The following RGL3 variants were observed in gnomAD, a reference collection of about 807,000 sequenced individuals.
RGL3 encodes ral guanine nucleotide dissociation stimulator-like 3.
Under a neutral mutation model 90.6 loss-of-function variants are expected in RGL3, and 85 were observed. That is an observed-to-expected ratio of 0.94 (90% CI 0.79 to 1.12). The LOEUF (loss-of-function observed/expected upper bound fraction) is 1.12. RGL3 is among the 50% of genes most tolerant of loss of function. RGL3 has a pLI of 0.00. For synonymous variants in RGL3, 408 were observed against 385.5 expected, an observed-to-expected ratio of 1.06 and a Z score of -0.68; for missense variants, 1,034 against 939.2, an observed-to-expected ratio of 1.10 and a Z score of -1.32.
At chr19:11,410,923 G>A (rs1333896856) in intron 5 of RGL3, among the ~76,000 whole-genome samples, 4 of 151,874 alleles carry the variant, frequency 2.6e-5, no homozygotes, top group Middle Eastern at 3.4e-3. Context: ...AGGAACAAAC[G>A]ACCGGTAGGG....
chr19:11,411,063 G>A lies in RGL3; in HGVS notation c.638-4199C>T, dbSNP rs898347539. Among the ~76,000 whole-genome samples the A allele has an allele frequency of 1.3e-4, 20 of 151,968 alleles. 1 individual carries two copies. Among genetic ancestry groups the A allele is most frequent in the Admixed American group, 1.1e-3 (17 of 15,242 alleles). ...CTCACTACTAAAAATACAAAAATTA[G>A]CTGGGCGTGTTGGTGGGCACCTGTA... is the stretch of plus-strand genomic sequence containing the variant. On this transcript the variant is annotated intron_variant, in intron 5 of 18. Transcript: ENST00000380456.
Position 11,413,219 on chromosome 19 carries a change from G to A in RGL3, c.637+2718C>T, listed in dbSNP as rs548508197. On this transcript the variant is annotated intron_variant, in intron 5 of 18. Transcript: ENST00000380456. ...CTGAATTTTTGCCTTTGCTTGACTG[G>A]ATTTTGAAAAAGAAAAAAAAAAAAA... Among the ~76,000 whole-genome samples the A allele has an allele frequency of 2.2e-5, 3 of 135,938 alleles. No homozygotes were observed. In the South Asian group the frequency reaches 7.4e-4, roughly 34 times the overall value. The allele number at this position is 135,938 out of a possible 152,430, so 89.2% of individuals were successfully genotyped here.
At chr19:11,405,043 G>A (rs555406423) in intron 9 of RGL3, 104 bp downstream of exon 9, 5 of 946,426 alleles carry the variant, frequency 5.3e-6, no homozygotes, top group Non-Finnish European at 8.7e-6. Context: ...GGTAGGGAAG[G>A]ACAGAGTGTC....
At chr19:11,406,078 A>ACAAGCTAC (rs1968772874) in intron 7 of RGL3, among the ~76,000 whole-genome samples, 1 of 151,534 alleles carries the variant, frequency 6.6e-6, no homozygotes, top group African/African-American at 2.4e-5. Context: ...CTCACATCCG[A>ACAAGCTAC]CAAGCTACCA....
chr19:11,399,820 G>T, intron 16 of RGL3, 35 bp downstream of exon 16: 1 of 1,229,032 alleles, frequency 8.1e-7, no homozygotes, highest in Non-Finnish European at 1.1e-6. Context: ...CTGGGTGCCC[G>T]CAGGCCCGCA....
chr19:11,402,567 T>G, intron 10 of RGL3, 26 bp from the exon 11 acceptor site: 6 of 1,607,864 alleles, frequency 3.7e-6, no homozygotes, highest in Non-Finnish European at 5.1e-6. Context: ...CTCCAGTCAC[T>G]TGGGGCCATT....
At chr19:11,395,668 G>A (rs988414600) in intron 18 of RGL3, among the ~76,000 whole-genome samples, 3 of 151,716 alleles carry the variant, frequency 2.0e-5, no homozygotes, top group African/African-American at 2.4e-5. Flanking sequence ...TCACTCTGTC[G>A]CCAGGCTGGA....
At chr19:11,406,030 C>G (rs1012344363) in intron 7 of RGL3, among the ~76,000 whole-genome samples, 2 of 151,820 alleles carry the variant, frequency 1.3e-5, no homozygotes, top group Non-Finnish European at 1.5e-5. Context: ...AGCCTGATCC[C>G]GTGACTTGTG....
chr19:11,394,837 C>A (rs1968536882), intron 18 of RGL3, among the ~76,000 whole-genome samples: 1 of 152,054 alleles, frequency 6.6e-6, no homozygotes, highest in East Asian at 1.9e-4. Context: ...TGCCTGTAAT[C>A]CCAGCGCTTT....
chr19:11,407,040 C>T, intron 5 of RGL3, 176 bp from the exon 6 acceptor site: 2 of 579,992 alleles, frequency 3.4e-6, no homozygotes, highest in Non-Finnish European at 5.9e-6. Flanking sequence ...AGCTGGAGTA[C>T]AATGGCGCAA....
intron 5 of RGL3, among the ~76,000 whole-genome samples, chr19:11,414,496 T>TATATATATATATATATATACACCTTC (rs1968951920): frequency 3.2e-5 from 2 of 62,064 alleles, no homozygotes; most frequent in Non-Finnish European, 5.9e-5. Flanking sequence ...CCTTCATATA[T>TATATATATATATATATATACACCTTC]ATATATATAT....
At position 11,400,233 on chromosome 19, in the gene RGL3, G is replaced by A. The variant is rs755885070; in HGVS notation, c.1549C>T (p.Arg517Trp). The change falls in exon 14 of 19, where the codon CGG becomes TGG. Residue 517 changes from arginine to tryptophan, a missense_variant. By Grantham distance (101) the Arg-to-Trp change is moderately radical. Transcript: ENST00000380456. ...AGACGCTTGGTGAGGCTGATCCGCCGTCGGATGCGTGGGGAGCTGGGGCAG... is the reference window on the plus strand; with the variant it reads ...AGACGCTTGGTGAGGCTGATCCGCCATCGGATGCGTGGGGAGCTGGGGCAG... The part of the protein sequence containing the change: ...ASCPSSPRIR[R>W]RISLTKRLSA... 7.5e-6 allele frequency: 12 copies of A among 1,598,172 alleles called. No homozygotes were observed. Among genetic ancestry groups the A allele is most frequent in the South Asian group, 2.2e-5 (2 of 88,942 alleles).
intron 5 of RGL3, among the ~76,000 whole-genome samples, chr19:11,414,499 A>ATATATATATATATACC (rs1968952516): frequency 5.4e-5 from 4 of 73,686 alleles, no homozygotes; most frequent in African/African-American, 2.1e-4. Flanking sequence ...TCATATATAT[A>ATATATATATATATACC]TATATATATA....
In RGL3 at chr19:11,402,246, C is replaced by A. The variant is rs756215363; in HGVS notation, c.1331G>T (p.Gly444Val). 6.2e-7 allele frequency: 1 copy of A among 1,613,440 alleles called. No individual in the cohort carries two copies. Among genetic ancestry groups the A allele is most frequent in the South Asian group, 1.1e-5 (1 of 91,076 alleles). The change falls in exon 12 of 19, where the codon GGG (glycine) becomes GTG (valine). Residue 444 changes from glycine to valine, a missense_variant and splice_region_variant. Gly to Val is a moderately radical substitution (Grantham distance 109). Coordinates refer to ENST00000380456, the MANE Select transcript of RGL3 (RefSeq NM_001035223.4). The part of the protein sequence containing the change: ...LDTALPDMLE[G>V]DLINFEKRRK... ...CCTCTTCTCAAAGTTAATGAGATCC[C>A]CCTGGGGGCAAAGTGTGTCTGAATT... is the stretch of plus-strand genomic sequence containing the variant.
At chr19:11,414,129 G>C (rs1968917911) in intron 5 of RGL3, among the ~76,000 whole-genome samples, 1 of 88,636 alleles carries the variant, frequency 1.1e-5, no homozygotes, top group African/African-American at 4.6e-5. Context: ...ATCAGCTGGA[G>C]AAATCATATA....
chr19:11,402,381 G>T, intron 11 of RGL3, 74 bp downstream of exon 11: 1 of 1,563,580 alleles, frequency 6.4e-7, no homozygotes, highest in Non-Finnish European at 8.7e-7. Context: ...TAGGATCAAG[G>T]GTGGATATTG....
chr19:11,419,247 A>G lies in RGL3; in HGVS notation c.32T>C (p.Leu11Pro). Residue 11 changes from leucine to proline, a missense_variant and splice_region_variant, in exon 1 of 19, where the codon CTG (leucine) becomes CCG (proline). Transcript: ENST00000380456. MERTAGKELALAPLQDWGEET... is the reference protein window; with the variant it reads MERTAGKELAPAPLQDWGEET... ...TCCGGGGATCCCTTGTCCCCTTACC[A>G]GGGCCAGCTCTTTGCCTGCTGTGCG... The G allele has an allele frequency of 1.3e-6, 2 of 1,586,142 alleles. No homozygotes were observed. The highest frequency in any genetic ancestry group is 1.7e-6 in the Non-Finnish European group (2 of 1,166,662).
chr19:11,414,245 ACCTT>A (rs1328263706), intron 5 of RGL3, among the ~76,000 whole-genome samples: 1 of 89,524 alleles, frequency 1.1e-5, no homozygotes, highest in Admixed American at 1.4e-4. Context: ...ATATATATAT[ACCTT>A]TATATATATA....
chr19:11,417,932 C>T (rs1158070888), intron 2 of RGL3, among the ~76,000 whole-genome samples: 1 of 152,094 alleles, frequency 6.6e-6, no homozygotes, highest in Non-Finnish European at 1.5e-5. Flanking sequence ...TCAAGCGGTC[C>T]CTCTGCCCCA....
Sources: gnomAD v4.1 joint callset for allele counts (sites outside exome capture counted in the v4.1 genomes callset) on GRCh38, gnomAD v4.1.1 for gene constraint, MANE v1.5 for transcripts, NCBI Gene and HGNC (gene_info 2026-07-23, HGNC 2026-07-21) for gene names.